JAK3: variants seen among roughly 807,000 people sequenced by gnomAD.
The protein encoded by JAK3 is tyrosine-protein kinase JAK3.
JAK3 carries 88 observed loss-of-function variants against 120.8 expected under a neutral mutation model. That is an observed-to-expected ratio of 0.73 (90% CI 0.61 to 0.87). The LOEUF (loss-of-function observed/expected upper bound fraction) is 0.87. Ranked by LOEUF, JAK3 falls within the 40% of genes least tolerant of loss-of-function variation. JAK3 has a pLI of 0.00. For missense variants in JAK3, 1,254 were observed against 1,501.4 expected (o/e 0.84, Z 2.72); for synonymous variants, 592 against 628.6 (o/e 0.94, Z 0.87).
chr19:17,832,520 C>G lies in JAK3; in HGVS notation c.2679G>C (p.Pro893=). ...TCACTCATCCGGGAGCTGGCTCACC[C>G]GGGCCATAGCTGACACCACGATACT... ...IVKYRGVSYG[P]GRQSLRLVME... is the part of the protein sequence containing the mutation. Residue 893 remains proline (P), a splice_region_variant and synonymous_variant, in exon 19 of 24, where the codon CCG becomes CCC. Coordinates refer to ENST00000458235, the MANE Select transcript of JAK3 (RefSeq NM_000215.4). The surrounding 1 kb of genome is among the most constrained non-coding windows in gnomAD (Gnocchi z 4.7). The G allele has an allele frequency of 6.2e-7, 1 of 1,614,160 alleles. No individual in the cohort carries two copies. Among genetic ancestry groups the G allele is most frequent in the Non-Finnish European group, 8.5e-7 (1 of 1,180,022 alleles).
In JAK3 at chr19:17,844,337, A is replaced by T. The variant is rs1039181282; in HGVS notation, c.81T>A (p.His27Gln). The change falls in exon 2 of 24, where the codon CAT (histidine) becomes CAA (glutamine). Residue 27 changes from histidine to glutamine, a missense_variant. Around this residue, in one of 3 missense-constraint regions of JAK3, gnomAD observed 138 missense variants for 178.7 expected, o/e 0.77. Coordinates refer to ENST00000458235, the MANE Select transcript of JAK3 (RefSeq NM_000215.4). ...SLLSTEAGALHVLLPARGPGP... is the reference protein window; with the variant it reads ...SLLSTEAGALQVLLPARGPGP... ...CGGGGCCCCGAGCGGGCAGCAGCAC[A>T]TGCAGGGCACCAGCCTCCGTGGACA... 4 of 1,611,620 alleles carry T rather than the reference A, an allele frequency of 2.5e-6. No individual in the cohort carries two copies. In the African/African-American group the frequency reaches 4.0e-5, roughly 16 times the overall value.
In JAK3 at chr19:17,834,967, C is replaced by T. The variant is rs1203686982; in HGVS notation, c.2084G>A (p.Cys695Tyr). ...TDRIPWVAPE[C>Y]LREAQTLSLE... is the part of the protein sequence containing the mutation. ...GCTAAGTGTCTGCGCCTCCCGGAGA[C>T]ACTCGGGGGCCACCCAGGGGATCCT... Residue 695 changes from cysteine to tyrosine, a missense_variant, in exon 16 of 24, where the codon TGT becomes TAT. Physicochemically the swap from Cys to Tyr is radical, Grantham distance 194 (BLOSUM62 -2). Transcript: ENST00000458235. The T allele has an allele frequency of 6.2e-7, 1 of 1,614,204 alleles. No homozygotes were observed. Among genetic ancestry groups the T allele is most frequent in the Non-Finnish European group, 8.5e-7 (1 of 1,180,038 alleles).
At chr19:17,845,380 T>C (rs141591365) in intron 1 of JAK3, among the ~76,000 whole-genome samples, 29 of 152,188 alleles carry the variant, frequency 1.9e-4, no homozygotes, top group African/African-American at 6.5e-4. Flanking sequence ...GATCTCAAAC[T>C]CCTGGCCTCA....
Position 17,842,403 on chromosome 19 carries a change from G to A in JAK3, c.774C>T (p.Leu258=), listed in dbSNP as rs769432225. The A allele has an allele frequency of 5.0e-6, 8 of 1,585,176 alleles. No individual in the cohort carries two copies. The Middle Eastern group carries it at 6.6e-4, about 132-fold the overall frequency. The part of the protein sequence containing the change: ...AGAAETFHVG[L]PGALGGHDGL... ...CGTCGTGGCCACCAAGGGCCCCAGG[G>A]AGGCCCACGTGGAAGGTCTCGGCGG... The change falls in exon 6 of 24, where the codon CTC becomes CTT. Residue 258 remains leucine (L), a synonymous_variant. Coordinates refer to ENST00000458235, the MANE Select transcript of JAK3 (RefSeq NM_000215.4). This position sits in a 1 kb window ranked among gnomAD's most constrained non-coding sequence, Gnocchi z 6.4.
intron 13 of JAK3, among the ~76,000 whole-genome samples, chr19:17,836,563 C>G (rs3212763): frequency 6.6e-6 from 1 of 152,124 alleles, no homozygotes; most frequent in Admixed American, 6.6e-5. Context: ...TGAGCCACCA[C>G]GCCCAGCCTC....
intron 13 of JAK3, 65 bp from the exon 14 acceptor site, chr19:17,836,116 C>A (rs1568403392): frequency 6.3e-7 from 1 of 1,592,068 alleles, no homozygotes. Context: ...GGAGGTTCTG[C>A]CAACACCCTG....
chr19:17,843,671 G>C lies in JAK3; in HGVS notation c.308+106C>G, dbSNP rs1472878978. 7.0e-7 allele frequency: 1 copy of C among 1,434,554 alleles called. No individual in the cohort carries two copies. The highest frequency in any genetic ancestry group is 1.4e-5 in the African/African-American group (1 of 71,440). 88.9% of individuals were successfully genotyped at this position (1,434,554 alleles called of 1,614,324 possible). On this transcript the variant is annotated intron_variant, in intron 3 of 23. Transcript: ENST00000458235. This position sits in a 1 kb window ranked among gnomAD's most constrained non-coding sequence, Gnocchi z 5.4. ...CTCTCTGGTCTGTTTCCTCATCTGA[G>C]AAATGGGTAGTGACCATACCTCCCT...
intron 17 of JAK3, among the ~76,000 whole-genome samples, chr19:17,834,180 T>A (rs980780059): frequency 2.6e-5 from 4 of 152,082 alleles, no homozygotes; most frequent in African/African-American, 9.7e-5. Context: ...AAACCCCATA[T>A]CTGCCAAAAA....
In JAK3 at chr19:17,826,905, GTGAACC is replaced by G. The variant is rs2094204950; in HGVS notation, c.3208-1_3212del. On this transcript the variant is annotated splice_acceptor_variant and coding_sequence_variant, in exon 24 of 24. Coordinates refer to ENST00000458235, the MANE Select transcript of JAK3 (RefSeq NM_000215.4). LOFTEE classifies it high-confidence loss of function. ...GGGCCCAGCACAGCTTCATGAGCTCGTGAACCTGAGGGGCGGGGGACAGATAATGGG... is the reference window on the plus strand; with the variant it reads ...GGGCCCAGCACAGCTTCATGAGCTCGTGAGGGGCGGGGGACAGATAATGGG... The G allele has an allele frequency of 6.2e-7, 1 of 1,609,426 alleles. No homozygotes were observed. Among genetic ancestry groups the G allele is most frequent in the Admixed American group, 1.7e-5 (1 of 59,986 alleles).
At chr19:17,847,644 A>G (rs1279262839) in intron 1 of JAK3, among the ~76,000 whole-genome samples, 7 of 151,904 alleles carry the variant, frequency 4.6e-5, no homozygotes. Flanking sequence ...CCGCCCCCCA[A>G]TCCCTCCTTC....
chr19:17,834,934 G>C lies in JAK3; in HGVS notation c.2117C>G (p.Ala706Gly). 1 of 1,614,178 alleles carries C rather than the reference G, an allele frequency of 6.2e-7. No individual in the cohort carries two copies. Among genetic ancestry groups the C allele is most frequent in the African/African-American group, 1.3e-5 (1 of 75,056 alleles). The change falls in exon 16 of 24, where the codon GCT becomes GGT. Residue 706 changes from alanine (A) to glycine (G), a missense_variant. Ala to Gly is a moderately conservative substitution (Grantham distance 60, BLOSUM62 0). This residue lies in a region of JAK3 where 630 missense variants were observed against 819.8 expected (regional missense o/e 0.77). Transcript: ENST00000458235. ...LREAQTLSLE[A>G]DKWGFGATVW... ...CGTGGCGCCGAAGCCCCACTTGTCA[G>C]CTTCCAAGCTAAGTGTCTGCGCCTC...
chr19:17,829,248 T>G (rs1366696956), intron 23 of JAK3, among the ~76,000 whole-genome samples: 3 of 152,150 alleles, frequency 2.0e-5, no homozygotes, highest in African/African-American at 7.2e-5. Context: ...CACTGAAACC[T>G]TCCCCTCCCA....
rs199707551 is a variant in JAK3, at chr19:17,832,743, G to C, written c.2491-35C>G. On this transcript the variant is annotated intron_variant, in intron 18 of 23. Coordinates refer to ENST00000458235, the MANE Select transcript of JAK3 (RefSeq NM_000215.4). This position sits in a 1 kb window ranked among gnomAD's most constrained non-coding sequence, Gnocchi z 4.7. ...AGCGGGACTGATGTCCAGGCACCTG[G>C]ATGCTGCCCTGCCCTCTCCAACCCA... The C allele has an allele frequency of 1.2e-6, 2 of 1,614,210 alleles. No homozygotes were observed. Among genetic ancestry groups the C allele is most frequent in the East Asian group, 2.2e-5 (1 of 44,890 alleles).
chr19:17,834,122 C>A (rs927592907), intron 17 of JAK3, among the ~76,000 whole-genome samples: 1 of 151,922 alleles, frequency 6.6e-6, no homozygotes, highest in African/African-American at 2.4e-5. Flanking sequence ...TAGAGGTGGG[C>A]GGATCACCTG....
chr19:17,834,571 C>T lies in JAK3; in HGVS notation c.2350G>A (p.Asp784Asn), dbSNP rs760051760. The T allele has an allele frequency of 3.1e-6, 5 of 1,613,786 alleles. No homozygotes were observed. In the African/African-American group the frequency reaches 5.3e-5, roughly 17 times the overall value. The change falls in exon 17 of 24, where the codon GAC (aspartate) becomes AAC (asparagine). Residue 784 changes from aspartate to asparagine, a missense_variant and splice_region_variant. Asp to Asn is a conservative substitution (Grantham distance 23, BLOSUM62 1). Coordinates refer to ENST00000458235, the MANE Select transcript of JAK3 (RefSeq NM_000215.4). Reference sequence around the variant, plus strand: ...CCACCCAACCCGTCCCAGCGGGCACCTGAAGAGATGAGGCTATTGAGGTCA... The same window carrying T: ...CCACCCAACCCGTCCCAGCGGGCACTTGAAGAGATGAGGCTATTGAGGTCA... ...IRDLNSLISS[D>N]YELLSDPTPG...
rs746238601 is a variant in JAK3, at chr19:17,826,805, A to AC, written c.3312dup (p.Cys1105ValfsTer2). The AC allele has an allele frequency of 5.6e-6, 9 of 1,613,790 alleles. No individual in the cohort carries two copies. The African/African-American group carries it at 9.3e-5, about 17-fold the overall frequency. ...TGAGCAGTGAAGGCATGAGTCTCACACCCCCGGCTTCCGCTCCACAGCATG... is the reference window on the plus strand; with the variant it reads ...TGAGCAGTGAAGGCATGAGTCTCACACCCCCCGGCTTCCGCTCCACAGCATG... On this transcript the variant is annotated frameshift_variant, in exon 24 of 24. Transcript: ENST00000458235. LOFTEE classifies it low-confidence loss of function (END_TRUNC).
rs57005908 is a variant in JAK3, at chr19:17,834,822, G to A, written c.2199+30C>T. On this transcript the variant is annotated intron_variant, in intron 16 of 23. Transcript: ENST00000458235. ...TGCCCTTCTGTCAAAGTGGGGGTTC[G>A]GAGACCGATGCCGGGTGAGGGGCTC... is the stretch of plus-strand genomic sequence containing the variant. 1,035 of 1,613,704 alleles carry A rather than the reference G, an allele frequency of 6.4e-4. 14 individuals are homozygous for A. In the East Asian group the frequency reaches 0.022, roughly 34 times the overall value.
Position 17,844,810 on chromosome 19 carries a change from A to AAAAGAAAGAAAG in JAK3, c.-13-392_-13-381dup, listed in dbSNP as rs545511218. ...AGACTCTGTCTCAAAAAAAAAAAAA[A>AAAAGAAAGAAAG]AAAGAAAGAAAGAAAGAAAGAAAGA... On this transcript the variant is annotated intron_variant, in intron 1 of 23. Transcript: ENST00000458235. Among the ~76,000 whole-genome samples, 33 of 127,152 alleles carry AAAAGAAAGAAAG rather than the reference A, an allele frequency of 2.6e-4. No individual in the cohort carries two copies. The East Asian group carries it at 4.1e-3, about 16-fold the overall frequency. 83.4% of individuals were successfully genotyped at this position (127,152 alleles called of 152,430 possible).
At chr19:17,836,430 A>C (rs896086331) in intron 13 of JAK3, among the ~76,000 whole-genome samples, 1 of 152,086 alleles carries the variant, frequency 6.6e-6, no homozygotes, top group Non-Finnish European at 1.5e-5. Context: ...CTACAGGCGC[A>C]TGCCACCACA....
Sources: gnomAD v4.1 joint callset for allele counts (sites outside exome capture counted in the v4.1 genomes callset) on GRCh38, gnomAD v4.1.1 for gene constraint, gnomAD v4.1.1 regional missense constraint, Gnocchi (gnomAD v3.1) non-coding constraint, MANE v1.5 for transcripts, NCBI Gene and HGNC (gene_info 2026-07-23, HGNC 2026-07-21) for gene names.